The following SEPTIN2 variants were observed in gnomAD, a reference collection of about 807,000 sequenced individuals.
SEPTIN2 encodes septin 2.
In SEPTIN2, 34 loss-of-function variants were observed where a neutral mutation model predicts 46.5. The observed-to-expected ratio is 0.73, with a 90% CI of 0.56 to 0.97. The LOEUF is 0.97. Among genes scored for constraint, SEPTIN2 ranks in the 50% least tolerant of loss-of-function variants. The pLI is 0.00. For missense variants in SEPTIN2, 347 were observed against 448.4 expected, an observed-to-expected ratio of 0.77 and a Z score of 2.04; for synonymous variants, 175 against 153.4, an observed-to-expected ratio of 1.14 and a Z score of -1.04.
chr2:241,329,623 C>T (rs568585342), intron 3 of SEPTIN2, among the ~76,000 whole-genome samples: 4 of 152,292 alleles, frequency 2.6e-5, no homozygotes, highest in African/African-American at 9.6e-5. Context: ...AGGGTACACT[C>T]GCCAGCAGTT....
At chr2:241,316,435 G>A in intron 1 of SEPTIN2, 1 of 1,354,926 alleles carries the variant, frequency 7.4e-7, no homozygotes, top group African/African-American at 1.5e-5. Context: ...TGGAGGACTG[G>A]CCAGCCCCCA....
chr2:241,323,705 C>A, intron 1 of SEPTIN2, among the ~76,000 whole-genome samples: 1 of 152,074 alleles, frequency 6.6e-6, no homozygotes, highest in South Asian at 2.1e-4. Context: ...AGAGTGTAAG[C>A]GAGCTACACC....
At chr2:241,329,411 C>T (rs2078599384) in intron 3 of SEPTIN2, among the ~76,000 whole-genome samples, 1 of 151,930 alleles carries the variant, frequency 6.6e-6, no homozygotes, top group South Asian at 2.1e-4. Context: ...TAATATAAAT[C>T]TTACACAGAC....
intron 7 of SEPTIN2, 120 bp from the exon 8 acceptor site, chr2:241,342,872 A>T (rs2081448872): frequency 3.1e-6 from 2 of 635,644 alleles, no homozygotes; most frequent in Non-Finnish European, 5.6e-6. Flanking sequence ...AACTTTCGTC[A>T]TCAGTTTGAT....
At chr2:241,322,840 A>G (rs2077344345) in intron 1 of SEPTIN2, among the ~76,000 whole-genome samples, 1 of 152,134 alleles carries the variant, frequency 6.6e-6, no homozygotes, top group Non-Finnish European at 1.5e-5. Context: ...TTACTCCTTG[A>G]AAGGTTTCAA....
intron 4 of SEPTIN2, 77 bp from the exon 5 acceptor site, chr2:241,335,898 A>C: frequency 6.3e-7 from 1 of 1,592,876 alleles, no homozygotes; most frequent in Non-Finnish European, 8.6e-7. Context: ...TAGACTCTGA[A>C]GTCACCTGTC....
chr2:241,347,996 CAG>C (rs2060422469), intron 10 of SEPTIN2, 136 bp from the exon 11 acceptor site: 6 of 624,924 alleles, frequency 9.6e-6, no homozygotes, highest in Non-Finnish European at 1.7e-5. Context: ...GCCCGTGCGA[CAG>C]AGTGAGACAC....
chr2:241,336,667 C>T (rs992913153), intron 5 of SEPTIN2: 3 of 171,552 alleles, frequency 1.7e-5, no homozygotes, highest in Admixed American at 6.2e-5. Flanking sequence ...TTTCTCCCTT[C>T]TTACATGTGA....
chr2:241,351,363 T>A (rs1400267559), intron 12 of SEPTIN2: 1 of 152,200 alleles, frequency 6.6e-6, no homozygotes, highest in Non-Finnish European at 1.5e-5. Context: ...TTTAATAAGT[T>A]ACTGTAAGGA....
At chr2:241,324,539 C>A in intron 2 of SEPTIN2, 1 of 435,792 alleles carries the variant, frequency 2.3e-6, no homozygotes, top group South Asian at 1.9e-5. Context: ...AGACACGTGC[C>A]ACCACGCTGG....
At chr2:241,351,760 T>C (rs2060813990) in intron 12 of SEPTIN2, 1 of 152,206 alleles carries the variant, frequency 6.6e-6, no homozygotes, top group Non-Finnish European at 1.5e-5. Flanking sequence ...AAAATTTTAT[T>C]TCTGTATACT....
chr2:241,325,304 C>T (rs898123359), intron 2 of SEPTIN2: 6 of 152,106 alleles, frequency 3.9e-5, no homozygotes, highest in East Asian at 1.9e-4. Flanking sequence ...TTCTTGCCTT[C>T]TCATATCTCT....
At chr2:241,326,390 A>C (rs1246271862) in intron 3 of SEPTIN2, among the ~76,000 whole-genome samples, 1 of 152,204 alleles carries the variant, frequency 6.6e-6, no homozygotes, top group African/African-American at 2.4e-5. Context: ...TGGTATTCAC[A>C]ACTTTCTTGT....
chr2:241,324,206 T>G lies in SEPTIN2; in HGVS notation c.-17-10T>G. 3.7e-6 allele frequency: 6 copies of G among 1,610,762 alleles called. No individual in the cohort carries two copies. The highest frequency in any genetic ancestry group is 5.1e-6 in the Non-Finnish European group (6 of 1,178,914). On this transcript the variant is annotated splice_polypyrimidine_tract_variant and intron_variant, in intron 1 of 12. Transcript: ENST00000391971. ...CGTTTATGTGTGTCTGTGTGTTTTT[T>G]TTTTAACAGACGAAGCTTCACAAAA...
intron 3 of SEPTIN2, among the ~76,000 whole-genome samples, chr2:241,331,380 A>G (rs774336222): frequency 1.2e-4 from 18 of 152,196 alleles, no homozygotes; most frequent in Non-Finnish European, 1.3e-4. Flanking sequence ...TGGAACTATT[A>G]TGCCCTTTCT....
At chr2:241,338,873 T>A (rs1456114872) in intron 7 of SEPTIN2, among the ~76,000 whole-genome samples, 2 of 58,952 alleles carry the variant, frequency 3.4e-5, no homozygotes, top group Non-Finnish European at 6.4e-5. Context: ...TATATATATT[T>A]AATATATCTA....
At position 241,330,328 on chromosome 2, in the gene SEPTIN2, G is replaced by A. The variant is rs1035504037; in HGVS notation, c.130+4215G>A. ...ACACAATGGGAAAAAAGATAGGAACGTAAGAATTATACCAGTCCACATGTA... is the reference window on the plus strand; with the variant it reads ...ACACAATGGGAAAAAAGATAGGAACATAAGAATTATACCAGTCCACATGTA... On this transcript the variant is annotated intron_variant, in intron 3 of 12. Coordinates refer to ENST00000391971, the MANE Select transcript of SEPTIN2 (RefSeq NM_004404.5). Among the ~76,000 whole-genome samples the A allele has an allele frequency of 6.6e-5, 10 of 152,288 alleles. 2 individuals are homozygous for A. The highest frequency in any genetic ancestry group is 6.5e-5 in the Admixed American group (1 of 15,294).
At chr2:241,328,455 G>C (rs2078381370) in intron 3 of SEPTIN2, among the ~76,000 whole-genome samples, 1 of 151,822 alleles carries the variant, frequency 6.6e-6, no homozygotes, top group Admixed American at 6.6e-5. Context: ...AGTAGAAATT[G>C]GCTGGGTGTG....
At chr2:241,335,414 G>A in intron 4 of SEPTIN2, 1 of 1,401,610 alleles carries the variant, frequency 7.1e-7, no homozygotes, top group South Asian at 1.2e-5. Flanking sequence ...ACGTATCCAT[G>A]GATCCATCCT....
Sources: allele counts gnomAD v4.1 joint callset (sites outside exome capture counted in the v4.1 genomes callset), GRCh38; gene constraint gnomAD v4.1.1; transcripts MANE v1.5; gene names NCBI Gene and HGNC (gene_info 2026-07-23, HGNC 2026-07-21).